Variants in TRIM71 observed in about 807,000 individuals in gnomAD.
TRIM71 encodes tripartite motif containing 71.
In TRIM71, 9 loss-of-function variants were observed where a neutral mutation model predicts 61.2. The ratio of observed to expected loss-of-function variants is 0.15; its 90% confidence interval spans 0.09 to 0.26. The LOEUF is 0.26. Among genes scored for constraint, TRIM71 ranks in the 10% least tolerant of loss-of-function variants. The pLI, the probability that TRIM71 is intolerant of heterozygous loss-of-function variation, is 1.00. For synonymous variants in TRIM71, 645 were observed against 553.2 expected, an observed-to-expected ratio of 1.17 and a Z score of -2.33; for missense variants, 998 against 1,238.7, an observed-to-expected ratio of 0.81 and a Z score of 2.92.
intron 2 of TRIM71, among the ~76,000 whole-genome samples, chr3:32,879,359 T>C (rs957124463): frequency 6.6e-6 from 1 of 152,236 alleles, no homozygotes; most frequent in African/African-American, 2.4e-5. Context: ...CAGCTTTGAC[T>C]GTTTGGTGTA....
intron 1 of TRIM71, among the ~76,000 whole-genome samples, chr3:32,859,202 T>C (rs1304384827): frequency 1.3e-5 from 2 of 152,198 alleles, no homozygotes; most frequent in Non-Finnish European, 2.9e-5. Context: ...GAAATTATTT[T>C]TCATTACCAT....
intron 2 of TRIM71, among the ~76,000 whole-genome samples, chr3:32,880,173 G>A (rs1245279840): frequency 2.0e-5 from 3 of 151,818 alleles, no homozygotes; most frequent in African/African-American, 4.8e-5. Flanking sequence ...TTACCGGCCT[G>A]TACCACCACG....
At chr3:32,857,031 T>C (rs984612757) in intron 1 of TRIM71, among the ~76,000 whole-genome samples, 1 of 152,158 alleles carries the variant, frequency 6.6e-6, no homozygotes, top group African/African-American at 2.4e-5. Flanking sequence ...GTTTTCTGAC[T>C]CCACAACACA....
Position 32,865,815 on chromosome 3 carries a change from C to CTTTTTTTTT in TRIM71, c.853-7983_853-7975dup, listed in dbSNP as rs139123002. ...CGGCCCCCCCCCCCCCCCGCCCCAC[C>CTTTTTTTTT]TTTTTTTTTTTTTTTTTTTTTTTTT... On this transcript the variant is annotated intron_variant, in intron 1 of 3. Coordinates refer to ENST00000383763, the MANE Select transcript of TRIM71 (RefSeq NM_001039111.3). Among the ~76,000 whole-genome samples, 2 of 16,296 alleles carry CTTTTTTTTT rather than the reference C, an allele frequency of 1.2e-4. 1 individual carries two copies. The highest frequency in any genetic ancestry group is 2.3e-4 in the Non-Finnish European group (2 of 8,848). 10.7% of individuals were successfully genotyped at this position (16,296 alleles called of 152,430 possible).
Position 32,818,877 on chromosome 3 carries a change from C to A in TRIM71, c.797C>A (p.Ser266Tyr). 1 of 1,612,654 alleles carries A rather than the reference C, an allele frequency of 6.2e-7. No individual in the cohort carries two copies. Among genetic ancestry groups the A allele is most frequent in the South Asian group, 1.1e-5 (1 of 91,058 alleles). The change falls in exon 1 of 4, where the codon TCC (serine) becomes TAC (tyrosine). Residue 266 changes from serine to tyrosine, a missense_variant. Ser to Tyr is a moderately radical substitution (Grantham distance 144). This residue lies in a region of TRIM71 where 527 missense variants were observed against 427.8 expected (regional missense o/e 1.23). Transcript: ENST00000383763. ...CCGCCCTTTCCCGGCCCGCCCTTCT[C>A]CATCCTCTCAGTGTTTCCCGAGCGC... Reference protein sequence around the residue: ...LGPPFPGPPFSILSVFPERLG... With the variant: ...LGPPFPGPPFYILSVFPERLG...
At chr3:32,883,608 A>ATTT (rs1251676864) in intron 2 of TRIM71, among the ~76,000 whole-genome samples, 1 of 152,172 alleles carries the variant, frequency 6.6e-6, no homozygotes, top group East Asian at 1.9e-4. Context: ...ATCTTAGCTA[A>ATTT]TTATATCTAC....
At position 32,890,354 on chromosome 3, in the gene TRIM71, C is replaced by G. The variant is rs1222725089; in HGVS notation, c.1156-6C>G. 2 of 1,604,380 alleles carry G rather than the reference C, an allele frequency of 1.2e-6. No individual in the cohort carries two copies. Among genetic ancestry groups the G allele is most frequent in the East Asian group, 4.5e-5 (2 of 44,572 alleles). On this transcript the variant is annotated splice_polypyrimidine_tract_variant and splice_region_variant and intron_variant, in intron 3 of 3. Transcript: ENST00000383763. This position sits in a 1 kb window ranked among gnomAD's most constrained non-coding sequence, Gnocchi z 6.2. ...TGTCTTTCTCCACTCTTGCTTTTCC[C>G]TCCAGGTAGAAAAGATCCGCCAGGT...
Position 32,890,940 on chromosome 3 carries a change from T to C in TRIM71, c.1736T>C (p.Val579Ala), listed in dbSNP as rs1559552260. 1.7e-5 allele frequency: 28 copies of C among 1,614,182 alleles called. No individual in the cohort carries two copies. Among genetic ancestry groups the C allele is most frequent in the Non-Finnish European group, 2.3e-5 (27 of 1,180,038 alleles). The change falls in exon 4 of 4, where the codon GTG (valine) becomes GCG (alanine). Residue 579 changes from valine (V) to alanine (A), a missense_variant. By Grantham distance (64) the Val-to-Ala change is moderately conservative (BLOSUM62 0). This residue lies in a region of TRIM71 where 291 missense variants were observed against 431.2 expected (regional missense o/e 0.67). Transcript: ENST00000383763. This position sits in a 1 kb window ranked among gnomAD's most constrained non-coding sequence, Gnocchi z 6.2. ...QHIENSPFKV[V>A]VKSGRSYVGI... ...ATTGAGAACAGCCCTTTCAAGGTGGTGGTCAAGTCAGGCCGCAGCTACGTG... is the reference window on the plus strand; with the variant it reads ...ATTGAGAACAGCCCTTTCAAGGTGGCGGTCAAGTCAGGCCGCAGCTACGTG...
At chr3:32,846,991 T>TG (rs35022182) in intron 1 of TRIM71, among the ~76,000 whole-genome samples, 52,808 of 151,958 alleles carry the variant, frequency 0.35, 10,640 homozygotes, top group Middle Eastern at 0.49. Context: ...TTCAGTTATT[T>TG]GGGGTATATA....
chr3:32,885,814 C>A, intron 2 of TRIM71, 120 bp from the exon 3 acceptor site: 1 of 1,383,162 alleles, frequency 7.2e-7, no homozygotes, highest in African/African-American at 1.4e-5. Context: ...GGGAGTGAAT[C>A]AAGTGGTCTG....
At chr3:32,862,654 G>A (rs1437607265) in intron 1 of TRIM71, among the ~76,000 whole-genome samples, 1 of 152,192 alleles carries the variant, frequency 6.6e-6, no homozygotes, top group Non-Finnish European at 1.5e-5. Context: ...GTGTGTCTAC[G>A]TCCAAATCTG....
At position 32,890,277 on chromosome 3, in the gene TRIM71, G is replaced by A. The variant is rs1559552018; in HGVS notation, c.1156-83G>A. 2 of 1,495,558 alleles carry A rather than the reference G, an allele frequency of 1.3e-6. No individual in the cohort carries two copies. The highest frequency in any genetic ancestry group is 9.0e-7 in the Non-Finnish European group (1 of 1,110,382). The allele number at this position is 1,495,558 out of a possible 1,614,324, so 92.6% of individuals were successfully genotyped here. A position where few individuals can be genotyped will look rare whatever the true frequency, so the allele number is the denominator to read the frequency against. On this transcript the variant is annotated intron_variant, in intron 3 of 3. Transcript: ENST00000383763. The surrounding 1 kb of genome is among the most constrained non-coding windows in gnomAD (Gnocchi z 6.2). ...ATATGTGTTTGTCTGATGCTTCCTT[G>A]TGATTAGTTGTGGCTTATGTGGTAT... is the stretch of plus-strand genomic sequence containing the variant.
At chr3:32,868,896 C>T (rs2125687553) in intron 1 of TRIM71, among the ~76,000 whole-genome samples, 1 of 152,212 alleles carries the variant, frequency 6.6e-6, no homozygotes. Context: ...CTATATTTAT[C>T]CAGGCCATAG....
At chr3:32,837,659 A>AAT (rs1696350139) in intron 1 of TRIM71, among the ~76,000 whole-genome samples, 1 of 152,128 alleles carries the variant, frequency 6.6e-6, no homozygotes, top group African/African-American at 2.4e-5. Context: ...CCCTACTAAA[A>AAT]ATACAAAAAA....
chr3:32,820,252 A>G (rs1696112835), intron 1 of TRIM71, among the ~76,000 whole-genome samples: 2 of 151,674 alleles, frequency 1.3e-5, no homozygotes, highest in Admixed American at 1.3e-4. Context: ...TGCCTTTTCC[A>G]CTCCTAACCT....
At chr3:32,835,689 A>G (rs867395060) in intron 1 of TRIM71, among the ~76,000 whole-genome samples, 4 of 152,322 alleles carry the variant, frequency 2.6e-5, no homozygotes, top group Middle Eastern at 3.4e-3. Flanking sequence ...TGCTGGATGA[A>G]TAGAAAACTG....
In TRIM71 at chr3:32,891,878, C is replaced by G. The variant is rs1004460853; in HGVS notation, c.*67C>G. The G allele has an allele frequency of 2.0e-6, 3 of 1,483,234 alleles. No individual in the cohort carries two copies. Among genetic ancestry groups the G allele is most frequent in the Non-Finnish European group, 9.0e-7 (1 of 1,106,180 alleles). 91.9% of individuals were successfully genotyped at this position (1,483,234 alleles called of 1,614,324 possible). On this transcript the variant is annotated 3_prime_UTR_variant, in exon 4 of 4. Coordinates refer to ENST00000383763, the MANE Select transcript of TRIM71 (RefSeq NM_001039111.3). The surrounding 1 kb of genome is among the most constrained non-coding windows in gnomAD (Gnocchi z 8.2). ...TCTCTCTCTCTCTCTCTCTCTTTCT[C>G]TTTCTCTCTCTTTTTGAATTTCAAA... is the stretch of plus-strand genomic sequence containing the variant.
At chr3:32,858,922 C>A (rs934995503) in intron 1 of TRIM71, among the ~76,000 whole-genome samples, 2 of 152,116 alleles carry the variant, frequency 1.3e-5, no homozygotes, top group African/African-American at 2.4e-5. Flanking sequence ...TGTGAATTTT[C>A]TTTTTCCCAC....
At chr3:32,835,995 G>C (rs1400168242) in intron 1 of TRIM71, among the ~76,000 whole-genome samples, 1 of 152,202 alleles carries the variant, frequency 6.6e-6, no homozygotes, top group Non-Finnish European at 1.5e-5. Context: ...CCTTTATGGT[G>C]TGAAATTTAT....
Sources: gnomAD v4.1 joint callset for allele counts (sites outside exome capture counted in the v4.1 genomes callset) on GRCh38, gnomAD v4.1.1 for gene constraint, gnomAD v4.1.1 regional missense constraint, Gnocchi (gnomAD v3.1) non-coding constraint, MANE v1.5 for transcripts, NCBI Gene and HGNC (gene_info 2026-07-23, HGNC 2026-07-21) for gene names.